The following HTR1D variants were observed in gnomAD, a reference collection of about 807,000 sequenced individuals.
The protein encoded by HTR1D is 5-HT-1D.
HTR1D carries 18 observed loss-of-function variants against 21.1 expected under a neutral mutation model. The observed-to-expected ratio is 0.85, with a 90% CI of 0.59 to 1.27. The LOEUF is 1.27. Among genes scored for constraint, HTR1D ranks in the 50% most tolerant of loss-of-function variants. The pLI is 0.00. For synonymous variants in HTR1D, 196 were observed against 204.4 expected, an observed-to-expected ratio of 0.96 and a Z score of 0.35; for missense variants, 456 against 481.4, an observed-to-expected ratio of 0.95 and a Z score of 0.49.
chr1:23,198,611 C>T lies in HTR1D; in HGVS notation c.-782-3610G>A, dbSNP rs185396560. On this transcript the variant is annotated intron_variant, in intron 1 of 1. Transcript: ENST00000374619. Reference sequence around the variant, plus strand: ...TAGCAAACAACTAAAAACAACCAAACGTCCATCAACAGCAGAATGGTAGCA... The same window carrying T: ...TAGCAAACAACTAAAAACAACCAAATGTCCATCAACAGCAGAATGGTAGCA... 3.4e-3 allele frequency among the ~76,000 whole-genome samples: 511 copies of T among 152,260 alleles called. 4 individuals are homozygous for T. The highest frequency in any genetic ancestry group is 0.011 in the African/African-American group (476 of 41,548).
rs1241211272 is a variant in HTR1D at position 23,193,294 on chromosome 1, GC to G, written c.925del (p.Ala309ProfsTer36). The part of the protein sequence containing the change: ...ATKILGIILG[A>X]FIICWLPFFV... ...GAAGGGCAGCCAGCAGATGATAAAG[GC>G]CCCCAGAATGATGCCCAGGATTTTA... On this transcript the variant is annotated frameshift_variant, in exon 2 of 2. Coordinates refer to ENST00000374619, the MANE Select transcript of HTR1D (RefSeq NM_000864.5). LOFTEE classifies it high-confidence loss of function. 2 of 1,614,024 alleles carry G rather than the reference GC, an allele frequency of 1.2e-6. No homozygotes were observed. The highest frequency in any genetic ancestry group is 1.3e-5 in the African/African-American group (1 of 74,904).
At chr1:23,198,298 G>A (rs2746558) in intron 1 of HTR1D, among the ~76,000 whole-genome samples, 51,067 of 147,764 alleles carry the variant, frequency 0.35, 9,373 homozygotes, top group African/African-American at 0.46. Flanking sequence ...CCCAGGAGGC[G>A]GAGCTTGCAG....
At chr1:23,198,924 C>T (rs1403646311) in intron 1 of HTR1D, among the ~76,000 whole-genome samples, 1 of 152,206 alleles carries the variant, frequency 6.6e-6, no homozygotes, top group East Asian at 1.9e-4. Context: ...TTCACGATCT[C>T]GGCTCACTGC....
intron 1 of HTR1D, among the ~76,000 whole-genome samples, chr1:23,196,733 A>G (rs1644690331): frequency 2.0e-5 from 3 of 152,140 alleles, no homozygotes; most frequent in African/African-American, 2.4e-5. Flanking sequence ...CCCAACTTAT[A>G]ATGACCCGAC....
intron 1 of HTR1D, among the ~76,000 whole-genome samples, chr1:23,206,257 C>T (rs1232129578): frequency 1.3e-5 from 2 of 151,930 alleles, no homozygotes; most frequent in Non-Finnish European, 2.9e-5. Flanking sequence ...GTTTCGATCT[C>T]CTGACCTCGT....
intron 1 of HTR1D, among the ~76,000 whole-genome samples, chr1:23,215,760 C>G (rs1449812792): frequency 6.6e-6 from 1 of 152,236 alleles, no homozygotes; most frequent in Non-Finnish European, 1.5e-5. Context: ...GGTGAGCCAG[C>G]AGGCAGGCCT....
At position 23,193,232 on chromosome 1, in the gene HTR1D, A is replaced by ATCCAC. The variant is rs1268814918; in HGVS notation, c.987_988insGTGGA (p.Ser330ValfsTer17). ...AAGAGCGCCGGGTGGATCCAGCAGGAGTCCCGGCAGATGGGGAGGACCAGA... is the reference window on the plus strand; with the variant it reads ...AAGAGCGCCGGGTGGATCCAGCAGGATCCACGTCCCGGCAGATGGGGAGGACCAGA... On this transcript the variant is annotated frameshift_variant, in exon 2 of 2. Transcript: ENST00000374619. LOFTEE classifies it high-confidence loss of function. 1 of 1,614,150 alleles carries ATCCAC rather than the reference A, an allele frequency of 6.2e-7. No homozygotes were observed. Among genetic ancestry groups the ATCCAC allele is most frequent in the Non-Finnish European group, 8.5e-7 (1 of 1,180,028 alleles).
intron 1 of HTR1D, among the ~76,000 whole-genome samples, chr1:23,195,643 T>G (rs1644685825): frequency 6.6e-6 from 1 of 152,176 alleles, no homozygotes; most frequent in Non-Finnish European, 1.5e-5. Context: ...TTCACCATGT[T>G]GGCCAGTCTG....
At position 23,193,684 on chromosome 1, in the gene HTR1D, G is replaced by A. The variant is rs1462494928; in HGVS notation, c.536C>T (p.Ala179Val). ...ISIPPLFWRQ[A>V]KAQEEMSDCL... ...GTCCGACATCTCCTCCTGGGCCTTG[G>A]CCTGCCGCCAGAAGAGCGGGGGGAT... Residue 179 changes from alanine (A) to valine (V), a missense_variant, in exon 2 of 2, where the codon GCC (alanine) becomes GTC (valine). Physicochemically the swap from Ala to Val is moderately conservative, Grantham distance 64. Transcript: ENST00000374619. 6.2e-7 allele frequency: 1 copy of A among 1,613,530 alleles called. No individual in the cohort carries two copies. Among genetic ancestry groups the A allele is most frequent in the Non-Finnish European group, 8.5e-7 (1 of 1,179,762 alleles).
In HTR1D at chr1:23,194,304, T is replaced by G. The variant is rs8192527; in HGVS notation, c.-85A>C. Reference sequence around the variant, plus strand: ...TCCTGACAACAGAGCAAAGTCATCCTTCTGCTTCACACTGGTGGGAGCCGT... The same window carrying G: ...TCCTGACAACAGAGCAAAGTCATCCGTCTGCTTCACACTGGTGGGAGCCGT... On this transcript the variant is annotated 5_prime_UTR_variant, in exon 2 of 2. Coordinates refer to ENST00000374619, the MANE Select transcript of HTR1D (RefSeq NM_000864.5). 1.6e-6 allele frequency: 2 copies of G among 1,284,214 alleles called. No individual in the cohort carries two copies. Among genetic ancestry groups the G allele is most frequent in the Non-Finnish European group, 2.2e-6 (2 of 915,436 alleles). 79.6% of individuals were successfully genotyped at this position (1,284,214 alleles called of 1,614,324 possible).
At chr1:23,200,536 T>G (rs897162395) in intron 1 of HTR1D, among the ~76,000 whole-genome samples, 5 of 152,160 alleles carry the variant, frequency 3.3e-5, no homozygotes, top group Non-Finnish European at 7.3e-5. Flanking sequence ...TCTTTTTGTT[T>G]GTTTATTTAT....
chr1:23,205,504 A>G (rs964317938), intron 1 of HTR1D, among the ~76,000 whole-genome samples: 1 of 152,198 alleles, frequency 6.6e-6, no homozygotes, highest in African/African-American at 2.4e-5. Context: ...CTTGTTACAC[A>G]GCAATGCCAA....
In HTR1D at chr1:23,194,053, T is replaced by C. The variant is rs767242578; in HGVS notation, c.167A>G (p.Asn56Ser). The C allele has an allele frequency of 7.9e-5, 128 of 1,613,860 alleles. No individual in the cohort carries two copies. Among genetic ancestry groups the C allele is most frequent in the Middle Eastern group, 1.6e-4 (1 of 6,084 alleles). The change falls in exon 2 of 2, where the codon AAT becomes AGT. Residue 56 changes from asparagine (N) to serine (S), a missense_variant. Transcript: ENST00000374619. ...SVITLATVLS[N>S]AFVLTTILLT... ...TAAGATGGTGGTGAGTACAAAGGCA[T>C]TGGAGAGGACTGTGGCCAGTGTGAT...
At chr1:23,209,782 C>A (rs962255650) in intron 1 of HTR1D, among the ~76,000 whole-genome samples, 1 of 152,078 alleles carries the variant, frequency 6.6e-6, no homozygotes, top group Non-Finnish European at 1.5e-5. Flanking sequence ...TGGGCTTGCC[C>A]GACTCCATGC....
intron 1 of HTR1D, among the ~76,000 whole-genome samples, chr1:23,212,929 C>T (rs934209516): frequency 2.6e-5 from 4 of 151,898 alleles, no homozygotes; most frequent in East Asian, 1.9e-4. Context: ...CGGGTTCAAG[C>T]GATTCTCCTG....
At chr1:23,214,049 AG>A (rs1380226495) in intron 1 of HTR1D, among the ~76,000 whole-genome samples, 4 of 152,194 alleles carry the variant, frequency 2.6e-5, no homozygotes, top group Non-Finnish European at 5.9e-5. Flanking sequence ...TTCAGAGCAC[AG>A]TAGACTGGCA....
At position 23,193,460 on chromosome 1, in the gene HTR1D, A is replaced by G. The variant is rs1644669153; in HGVS notation, c.760T>C (p.Cys254Arg). 23 of 1,614,220 alleles carry G rather than the reference A, an allele frequency of 1.4e-5. No homozygotes were observed. The East Asian group carries it at 5.1e-4, about 36-fold the overall frequency. Reference protein sequence around the residue: ...LITGSAGSSLCSLNSSLHEGH... With the variant: ...LITGSAGSSLRSLNSSLHEGH... Reference sequence around the variant, plus strand: ...TCATGGAGGCTGGAGTTGAGCGAGCAGAGCGAGGACCCGGCAGAGCCTGTG... The same window carrying G: ...TCATGGAGGCTGGAGTTGAGCGAGCGGAGCGAGGACCCGGCAGAGCCTGTG... Residue 254 changes from cysteine (C) to arginine (R), a missense_variant, in exon 2 of 2, where the codon TGC becomes CGC. Physicochemically the swap from Cys to Arg is radical, Grantham distance 180 (BLOSUM62 -3). Coordinates refer to ENST00000374619, the MANE Select transcript of HTR1D (RefSeq NM_000864.5).
intron 1 of HTR1D, among the ~76,000 whole-genome samples, chr1:23,206,554 G>C (rs1644731755): frequency 6.6e-6 from 1 of 152,118 alleles, no homozygotes; most frequent in Admixed American, 6.5e-5. Flanking sequence ...GTACCCTCCT[G>C]CCATACCCCA....
chr1:23,216,608 A>G (rs1000828257), intron 1 of HTR1D, among the ~76,000 whole-genome samples: 5 of 152,218 alleles, frequency 3.3e-5, no homozygotes, highest in African/African-American at 4.8e-5. Context: ...AATAAAGCAG[A>G]TTTCTCAGTG....
Sources: gnomAD v4.1 joint callset for allele counts (sites outside exome capture counted in the v4.1 genomes callset) on GRCh38, gnomAD v4.1.1 for gene constraint, MANE v1.5 for transcripts, NCBI Gene and HGNC (gene_info 2026-07-23, HGNC 2026-07-21) for gene names.